Variants in IL1RAPL2 observed in about 807,000 individuals in gnomAD.
IL1RAPL2 encodes the protein interleukin 1 receptor accessory protein like 2, also known as X-linked interleukin-1 receptor accessory protein-like 2.
In IL1RAPL2, 3 loss-of-function variants were observed where a neutral mutation model predicts 44.1. The observed-to-expected ratio is 0.07, with a 90% CI of 0.03 to 0.18. The LOEUF (loss-of-function observed/expected upper bound fraction) is 0.18. IL1RAPL2 is among the 10% of genes least tolerant of loss of function. The pLI is 1.00. For missense variants in IL1RAPL2, 391 were observed against 496.4 expected (o/e 0.79, Z 2.02); for synonymous variants, 181 against 178.8 (o/e 1.01, Z -0.10).
chrX:105,356,136 T>G (rs1331437980), intron 5 of IL1RAPL2, among the ~76,000 whole-genome samples: 1 of 105,074 alleles, frequency 9.5e-6, no homozygotes, highest in African/African-American at 3.8e-5. Flanking sequence ...TTGACTGCTG[T>G]GGGGTGTGTG....
chrX:105,189,715 GATAA>G (rs1202855443), intron 2 of IL1RAPL2, among the ~76,000 whole-genome samples: 1 of 111,742 alleles, frequency 8.9e-6, no homozygotes, highest in African/African-American at 3.3e-5. Flanking sequence ...ATAATTCATA[GATAA>G]ATAATTAGCA....
At chrX:104,683,949 A>G (rs769054803) in intron 2 of IL1RAPL2, among the ~76,000 whole-genome samples, 5 of 111,899 alleles carry the variant, frequency 4.5e-5, no homozygotes, top group Non-Finnish European at 7.5e-5. Context: ...TGGACTTTCT[A>G]TAAATGATTG....
chrX:105,019,140 C>G (rs1280317379), intron 2 of IL1RAPL2, among the ~76,000 whole-genome samples: 2 of 111,902 alleles, frequency 1.8e-5, no homozygotes, highest in Non-Finnish European at 3.8e-5. Context: ...TGGTTTGTCA[C>G]TGGGCAGGCA....
intron 2 of IL1RAPL2, among the ~76,000 whole-genome samples, chrX:104,686,619 A>C (rs1438046177): frequency 8.9e-6 from 1 of 112,084 alleles, no homozygotes; most frequent in Non-Finnish European, 1.9e-5. Context: ...CAGCCCCTGA[A>C]GAAAGTTTCA....
intron 2 of IL1RAPL2, among the ~76,000 whole-genome samples, chrX:105,145,683 T>C (rs2033173199): frequency 9.0e-6 from 1 of 111,078 alleles, no homozygotes; most frequent in African/African-American, 3.3e-5. Flanking sequence ...TGTCGAATCA[T>C]TTATTTGGGG....
intron 5 of IL1RAPL2, among the ~76,000 whole-genome samples, chrX:105,448,368 C>CT (rs200693912): frequency 0.1 from 10,011 of 98,405 alleles, 1,519 homozygotes; most frequent in African/African-American, 0.37. Context: ...AGGCCAATAA[C>CT]TTTTTTTTTT....
chrX:105,121,734 C>T (rs945453363), intron 2 of IL1RAPL2, among the ~76,000 whole-genome samples: 4 of 111,379 alleles, frequency 3.6e-5, no homozygotes, highest in African/African-American at 1.3e-4. Context: ...TAAAGGCACT[C>T]TTCTCTTTTT....
At chrX:105,373,280 CT>C (rs1332978130) in intron 5 of IL1RAPL2, among the ~76,000 whole-genome samples, 6 of 111,924 alleles carry the variant, frequency 5.4e-5, no homozygotes, top group Non-Finnish European at 1.1e-4. Flanking sequence ...TGATACTGAG[CT>C]TTTTTTTCAT....
chrX:105,319,734 TTAA>T (rs1006231549), intron 5 of IL1RAPL2, among the ~76,000 whole-genome samples: 2 of 111,840 alleles, frequency 1.8e-5, no homozygotes, highest in Non-Finnish European at 3.8e-5. Context: ...CTAAAATGTG[TTAA>T]TGATGTCAGT....
At chrX:104,753,136 C>CTT in intron 2 of IL1RAPL2, among the ~76,000 whole-genome samples, 1 of 97,783 alleles carries the variant, frequency 1.0e-5, no homozygotes, top group South Asian at 4.8e-4. Flanking sequence ...CCCACAATAT[C>CTT]TTTTTTTTTT....
At chrX:104,734,994 C>G (rs771027737) in intron 2 of IL1RAPL2, among the ~76,000 whole-genome samples, 4 of 110,793 alleles carry the variant, frequency 3.6e-5, no homozygotes, top group South Asian at 3.7e-4. Flanking sequence ...TGTATTCTTA[C>G]TGTAAATATG....
chrX:104,904,913 C>T (rs970530170), intron 2 of IL1RAPL2, among the ~76,000 whole-genome samples: 1 of 111,112 alleles, frequency 9.0e-6, no homozygotes, highest in African/African-American at 3.3e-5. Context: ...GTTTACACTC[C>T]CACCAACAGT....
chrX:105,279,322 G>A (rs760646239), intron 5 of IL1RAPL2, among the ~76,000 whole-genome samples: 22 of 111,481 alleles, frequency 2.0e-4, no homozygotes, highest in Non-Finnish European at 4.1e-4. Context: ...TTTTCTCAAT[G>A]TTCTACAGCA....
chrX:104,847,624 C>A (rs948237972), intron 2 of IL1RAPL2, among the ~76,000 whole-genome samples: 1 of 111,743 alleles, frequency 8.9e-6, no homozygotes, highest in Non-Finnish European at 1.9e-5. Flanking sequence ...AGTCAGGTAG[C>A]TTGACGCCTC....
At chrX:104,844,900 G>A (rs1922011549) in intron 2 of IL1RAPL2, among the ~76,000 whole-genome samples, 1 of 111,877 alleles carries the variant, frequency 8.9e-6, no homozygotes, top group Admixed American at 9.5e-5. Flanking sequence ...CTGCGACTTT[G>A]GAGAAGTTGC....
intron 3 of IL1RAPL2, among the ~76,000 whole-genome samples, chrX:105,227,650 G>C (rs1345085805): frequency 9.0e-6 from 1 of 111,697 alleles, no homozygotes; most frequent in East Asian, 2.8e-4. Context: ...GATTCTAAAG[G>C]GTTGTGGGTC....
intron 2 of IL1RAPL2, among the ~76,000 whole-genome samples, chrX:104,829,915 C>T (rs749517817): frequency 3.6e-5 from 4 of 111,944 alleles, no homozygotes; most frequent in African/African-American, 1.3e-4. Flanking sequence ...ATAGTTATTA[C>T]TGATTTAGAG....
At chrX:105,510,752 G>A (rs1163545862) in intron 6 of IL1RAPL2, among the ~76,000 whole-genome samples, 2 of 111,543 alleles carry the variant, frequency 1.8e-5, no homozygotes, top group African/African-American at 6.5e-5. Context: ...GGGGTCACTA[G>A]CCAAGGATTG....
At chrX:104,678,918 C>T (rs1457441856) in intron 2 of IL1RAPL2, among the ~76,000 whole-genome samples, 3 of 110,923 alleles carry the variant, frequency 2.7e-5, no homozygotes. Context: ...CACGTGTATA[C>T]CTATGTAACA....
Sources: allele counts gnomAD v4.1 joint callset (sites outside exome capture counted in the v4.1 genomes callset), GRCh38; gene constraint gnomAD v4.1.1; transcripts MANE v1.5; gene names NCBI Gene and HGNC (gene_info 2026-07-23, HGNC 2026-07-21).